The following PIBF1 variants were observed in gnomAD, a reference collection of about 807,000 sequenced individuals.
The protein encoded by PIBF1 is progesterone immunomodulatory binding factor 1.
A neutral mutation model predicts 112.5 loss-of-function variants in PIBF1; 90 were observed. The observed-to-expected ratio is 0.80, with a 90% CI of 0.67 to 0.95. PIBF1 has a LOEUF of 0.95. Among genes scored for constraint, PIBF1 ranks in the 40% least tolerant of loss-of-function variants. The probability of loss-of-function intolerance (pLI) is 0.00; values close to 1 mark genes in which losing one functional copy is unlikely to be tolerated. For synonymous variants in PIBF1, 301 were observed against 288.6 expected (o/e 1.04, Z -0.44); for missense variants, 915 against 852.3 (o/e 1.07, Z -0.92).
intron 14 of PIBF1, among the ~76,000 whole-genome samples, chr13:72,935,665 G>A (rs1001506097): frequency 6.6e-6 from 1 of 152,152 alleles, no homozygotes; most frequent in African/African-American, 2.4e-5. Flanking sequence ...CACCAATAAT[G>A]TATGAAAGTT....
At chr13:72,967,196 A>G (rs117647316) in intron 15 of PIBF1, among the ~76,000 whole-genome samples, 4,134 of 152,176 alleles carry the variant, frequency 0.027, 96 homozygotes, top group East Asian at 0.098. Context: ...GGCCTCCCGA[A>G]GTGCTAGGAT....
intron 10 of PIBF1, among the ~76,000 whole-genome samples, chr13:72,873,868 C>G (rs1481824025): frequency 6.6e-6 from 1 of 152,156 alleles, no homozygotes; most frequent in Admixed American, 6.5e-5. Flanking sequence ...AAAGGGCTTA[C>G]ATCCAGAACT....
At chr13:72,791,654 A>C (rs958430802) in intron 2 of PIBF1, among the ~76,000 whole-genome samples, 1 of 150,800 alleles carries the variant, frequency 6.6e-6, no homozygotes, top group African/African-American at 2.4e-5. Flanking sequence ...TTTTTTTGAG[A>C]CGGAGTCTCG....
chr13:72,983,896 A>C (rs1183522710), intron 16 of PIBF1, among the ~76,000 whole-genome samples: 1 of 152,194 alleles, frequency 6.6e-6, no homozygotes, highest in Non-Finnish European at 1.5e-5. Flanking sequence ...ATTTTTCTTT[A>C]AATGAAAATA....
At chr13:72,957,098 C>T (rs1418046879) in intron 14 of PIBF1, among the ~76,000 whole-genome samples, 1 of 152,128 alleles carries the variant, frequency 6.6e-6, no homozygotes, top group East Asian at 1.9e-4. Context: ...ATATGGAAAA[C>T]TGTGTAGCTT....
intron 9 of PIBF1, among the ~76,000 whole-genome samples, chr13:72,841,931 TTA>T (rs2037628358): frequency 6.6e-6 from 1 of 152,224 alleles, no homozygotes; most frequent in Admixed American, 6.5e-5. Flanking sequence ...TTTTCATCTG[TTA>T]TGTTGACAGT....
At position 72,973,625 on chromosome 13, in the gene PIBF1, A is replaced by G; in HGVS notation, c.1999A>G (p.Thr667Ala). 6.3e-7 allele frequency: 1 copy of G among 1,578,918 alleles called. No individual in the cohort carries two copies. Among genetic ancestry groups the G allele is most frequent in the South Asian group, 1.2e-5 (1 of 84,134 alleles). ...TAAAGAAAAGTCAGCTTTACTACAGACGAAGAATCAAATGGCATTAGATTT... is the reference window on the plus strand; with the variant it reads ...TAAAGAAAAGTCAGCTTTACTACAGGCGAAGAATCAAATGGCATTAGATTT... ...LNKEKSALLQTKNQMALDLEQ... is the reference protein window; with the variant it reads ...LNKEKSALLQAKNQMALDLEQ... Residue 667 changes from threonine (T) to alanine (A), a missense_variant, in exon 16 of 18, where the codon ACG becomes GCG. Thr to Ala is a moderately conservative substitution (Grantham distance 58, BLOSUM62 0). Transcript: ENST00000326291.
chr13:72,827,099 G>T lies in PIBF1; in HGVS notation c.896G>T (p.Arg299Leu). Residue 299 changes from arginine to leucine, a missense_variant, in exon 7 of 18, where the codon CGA becomes CTA. Arg to Leu is a moderately radical substitution (Grantham distance 102). Transcript: ENST00000326291. ...EASHMIQTKE[R>L]SELSKEVVTL... ...TCTCACATGATTCAAACAAAAGAAC[G>T]AAGTGAATTATCAAAAGAGGTAAGC... The T allele has an allele frequency of 6.3e-7, 1 of 1,584,208 alleles. No homozygotes were observed. Among genetic ancestry groups the T allele is most frequent in the South Asian group, 1.1e-5 (1 of 88,522 alleles).
chr13:72,974,716 T>C (rs960193215), intron 16 of PIBF1, among the ~76,000 whole-genome samples: 1 of 152,192 alleles, frequency 6.6e-6, no homozygotes, highest in Non-Finnish European at 1.5e-5. Context: ...GACATTTGAG[T>C]TGTTTCCATT....
intron 10 of PIBF1, among the ~76,000 whole-genome samples, chr13:72,860,529 C>T (rs2038647001): frequency 6.6e-6 from 1 of 152,054 alleles, no homozygotes; most frequent in Admixed American, 6.5e-5. Context: ...ATATGTGATT[C>T]TGGCTTCCTT....
chr13:72,879,517 C>T (rs1158312353), intron 10 of PIBF1, among the ~76,000 whole-genome samples: 1 of 152,126 alleles, frequency 6.6e-6, no homozygotes, highest in Non-Finnish European at 1.5e-5. Flanking sequence ...GGAGAGGGCT[C>T]CAAATGACCT....
chr13:72,915,728 A>G (rs2041067475), intron 12 of PIBF1, among the ~76,000 whole-genome samples: 1 of 152,148 alleles, frequency 6.6e-6, no homozygotes, highest in Non-Finnish European at 1.5e-5. Flanking sequence ...TGTCTCTCTC[A>G]ACTAATAATT....
chr13:72,960,370 A>C (rs897973950), intron 14 of PIBF1, among the ~76,000 whole-genome samples: 1 of 152,158 alleles, frequency 6.6e-6, no homozygotes, highest in South Asian at 2.1e-4. Context: ...GTGGCTCTGC[A>C]CTCTAGCCTA....
intron 10 of PIBF1, among the ~76,000 whole-genome samples, chr13:72,869,544 C>T (rs1409480992): frequency 6.6e-6 from 1 of 151,470 alleles, no homozygotes; most frequent in Non-Finnish European, 1.5e-5. Context: ...TGCAGCACAC[C>T]AGCATGGCAC....
At chr13:72,922,831 C>T (rs2041344021) in intron 13 of PIBF1, among the ~76,000 whole-genome samples, 1 of 152,138 alleles carries the variant, frequency 6.6e-6, no homozygotes, top group African/African-American at 2.4e-5. Flanking sequence ...AAAGTTGCTG[C>T]TTTTCTATTC....
intron 13 of PIBF1, among the ~76,000 whole-genome samples, chr13:72,929,287 A>G (rs1349271089): frequency 6.6e-5 from 10 of 152,334 alleles, no homozygotes; most frequent in Admixed American, 1.3e-4. Flanking sequence ...TTTAAATGCA[A>G]AATTCACATT....
At chr13:72,902,321 A>G (rs1218269358) in intron 11 of PIBF1, among the ~76,000 whole-genome samples, 1 of 152,052 alleles carries the variant, frequency 6.6e-6, no homozygotes, top group South Asian at 2.1e-4. Flanking sequence ...GGATCTCACA[A>G]ATTACCGCTA....
At chr13:72,857,250 A>G (rs2038464759) in intron 10 of PIBF1, among the ~76,000 whole-genome samples, 1 of 152,222 alleles carries the variant, frequency 6.6e-6, no homozygotes, top group African/African-American at 2.4e-5. Context: ...TAAATTTCAT[A>G]TGGATCAGAG....
intron 9 of PIBF1, among the ~76,000 whole-genome samples, chr13:72,837,935 G>A (rs1040568540): frequency 6.6e-6 from 1 of 152,184 alleles, no homozygotes; most frequent in Non-Finnish European, 1.5e-5. Context: ...AGAGATTGGA[G>A]AGAGAATTCC....
Sources: allele counts gnomAD v4.1 joint callset (sites outside exome capture counted in the v4.1 genomes callset), GRCh38; gene constraint gnomAD v4.1.1; transcripts MANE v1.5; gene names NCBI Gene and HGNC (gene_info 2026-07-23, HGNC 2026-07-21).